The following VCAN variants were observed in gnomAD, a reference collection of about 807,000 sequenced individuals.
VCAN encodes versican core protein.
VCAN carries 44 observed loss-of-function variants against 245.5 expected under a neutral mutation model. That is an observed-to-expected ratio of 0.18 (90% CI 0.14 to 0.23). The LOEUF is 0.23. Among genes scored for constraint, VCAN ranks in the 10% least tolerant of loss-of-function variants. The pLI, the probability that VCAN is intolerant of heterozygous loss-of-function variation, is 1.00. For missense variants in VCAN, 3,793 were observed against 4,057.9 expected (o/e 0.93, Z 1.77); for synonymous variants, 1,413 against 1,437.0 (o/e 0.98, Z 0.38).
At chr5:83,522,557 C>A (rs1438856218) in intron 7 of VCAN, among the ~76,000 whole-genome samples, 1 of 152,142 alleles carries the variant, frequency 6.6e-6, no homozygotes, top group Non-Finnish European at 1.5e-5. Context: ...CTAATATAAC[C>A]AAATCATCAC....
intron 5 of VCAN, among the ~76,000 whole-genome samples, chr5:83,503,206 A>G (rs115288514): frequency 0.011 from 1,739 of 152,250 alleles, 42 homozygotes; most frequent in African/African-American, 0.039. Context: ...AGAAAAACAA[A>G]AAAACGATGG....
chr5:83,537,421 C>A lies in VCAN; in HGVS notation c.4418C>A (p.Thr1473Lys), dbSNP rs201669036. Residue 1473 changes from threonine to lysine, a missense_variant, in exon 8 of 15, where the codon ACA becomes AAA. Physicochemically the swap from Thr to Lys is moderately conservative, Grantham distance 78. Around this residue, in one of 5 missense-constraint regions of VCAN, gnomAD observed 3,182 missense variants for 3,250.3 expected, o/e 0.98. Coordinates refer to ENST00000265077, the MANE Select transcript of VCAN (RefSeq NM_004385.5). ...TAVQPNESTE[T>K]TESLEVTWKP... is the part of the protein sequence containing the mutation. ...GTGCAACCTAATGAATCTACAGAAA[C>A]AACTGAGTCTCTTGAAGTTACATGG... 6.2e-7 allele frequency: 1 copy of A among 1,613,794 alleles called. No homozygotes were observed. The highest frequency in any genetic ancestry group is 8.5e-7 in the Non-Finnish European group (1 of 1,179,934).
At chr5:83,528,918 T>C (rs888877518) in intron 7 of VCAN, among the ~76,000 whole-genome samples, 6 of 151,442 alleles carry the variant, frequency 4.0e-5, no homozygotes, top group Non-Finnish European at 8.8e-5. Flanking sequence ...TGGCTATTAT[T>C]ATATGGAATG....
At chr5:83,483,438 C>CA in intron 1 of VCAN, 75 bp from the exon 2 acceptor site, 1 of 1,221,870 alleles carries the variant, frequency 8.2e-7, no homozygotes, top group East Asian at 2.3e-5. Flanking sequence ...ATACAATGCA[C>CA]AAAAAGCATG....
chr5:83,539,348 A>G lies in VCAN; in HGVS notation c.6345A>G (p.Thr2115=). Residue 2115 remains threonine, a synonymous_variant, in exon 8 of 15, where the codon ACA becomes ACG. Transcript: ENST00000265077. ...GACAAGAAATTGAAAGTGAAACAAC[A>G]TCAGAGGAACAAATTCAAGAAGAAA... ...PVRQEIESET[T]SEEQIQEEKS... The G allele has an allele frequency of 6.2e-7, 1 of 1,614,156 alleles. No individual in the cohort carries two copies. Among genetic ancestry groups the G allele is most frequent in the Non-Finnish European group, 8.5e-7 (1 of 1,180,010 alleles).
chr5:83,570,274 AC>A, intron 12 of VCAN, among the ~76,000 whole-genome samples: 1 of 150,798 alleles, frequency 6.6e-6, no homozygotes. Flanking sequence ...CTGTATTTTG[AC>A]AAAAAAACAA....
intron 5 of VCAN, among the ~76,000 whole-genome samples, chr5:83,497,807 AGACT>A (rs1745206737): frequency 6.6e-6 from 1 of 152,230 alleles, no homozygotes; most frequent in Non-Finnish European, 1.5e-5. Flanking sequence ...CGAAATTAAT[AGACT>A]GACTATTTAT....
At position 83,541,026 on chromosome 5, in the gene VCAN, C is replaced by G; in HGVS notation, c.8023C>G (p.Pro2675Ala). The G allele has an allele frequency of 6.2e-7, 1 of 1,614,024 alleles. No individual in the cohort carries two copies. The highest frequency in any genetic ancestry group is 1.3e-5 in the African/African-American group (1 of 75,008). Residue 2675 changes from proline to alanine, a missense_variant, in exon 8 of 15, where the codon CCT becomes GCT. Transcript: ENST00000265077. ...HMGFHFTTGI[P>A]APSTETELDV... ...GGGCTTTCACTTCACAACTGGGATC[C>G]CTGCTCCTAGCACAGAAACAGAATT...
chr5:83,569,266 C>T (rs558817037), intron 12 of VCAN, among the ~76,000 whole-genome samples: 55 of 152,202 alleles, frequency 3.6e-4, no homozygotes, highest in African/African-American at 1.3e-3. Flanking sequence ...ACCTGTTTTC[C>T]AGAAAGGTTA....
chr5:83,560,371 A>G (rs926387931), intron 12 of VCAN, among the ~76,000 whole-genome samples: 1 of 152,114 alleles, frequency 6.6e-6, no homozygotes, highest in Admixed American at 6.6e-5. Flanking sequence ...TCCAAAATGG[A>G]GTGAAACAAA....
intron 3 of VCAN, 133 bp downstream of exon 3, chr5:83,490,605 C>A: frequency 7.5e-7 from 1 of 1,329,766 alleles, no homozygotes; most frequent in Non-Finnish European, 1.0e-6. Context: ...TCCAGTAGTC[C>A]ACGTCTTTCA....
At chr5:83,497,834 T>C (rs188855837) in intron 5 of VCAN, among the ~76,000 whole-genome samples, 1 of 152,336 alleles carries the variant, frequency 6.6e-6, no homozygotes, top group East Asian at 1.9e-4. Context: ...GGTTTCCTGA[T>C]GGTAGCAGAT....
chr5:83,546,510 C>G (rs1373757790), intron 9 of VCAN, among the ~76,000 whole-genome samples: 1 of 151,546 alleles, frequency 6.6e-6, no homozygotes, highest in East Asian at 1.9e-4. Context: ...AACCCCAGCA[C>G]TTTGGGAGGG....
At chr5:83,532,942 G>A (rs1432211550) in intron 7 of VCAN, among the ~76,000 whole-genome samples, 2 of 152,000 alleles carry the variant, frequency 1.3e-5, no homozygotes, top group Non-Finnish European at 2.9e-5. Context: ...CATTGTATTA[G>A]AGATTTTGTT....
chr5:83,580,380 T>C lies in VCAN; in HGVS notation c.10137T>C (p.Asn3379=). ...NSSSAKDNSI[N]TSKHDHRWSR... is the part of the protein sequence containing the mutation. ...CATCAGCAAAGGACAATTCAATAAA[T>C]ACATCCAAACATGATCATCGTTGGA... The change falls in exon 15 of 15, where the codon AAT becomes AAC. Residue 3379 remains asparagine (N), a synonymous_variant. Transcript: ENST00000265077. The C allele has an allele frequency of 6.2e-7, 1 of 1,613,992 alleles. No individual in the cohort carries two copies. Among genetic ancestry groups the C allele is most frequent in the Non-Finnish European group, 8.5e-7 (1 of 1,179,952 alleles).
chr5:83,537,102 C>T lies in VCAN; in HGVS notation c.4099C>T (p.Leu1367=), dbSNP rs1055333429. 8 of 1,613,686 alleles carry T rather than the reference C, an allele frequency of 5.0e-6. No individual in the cohort carries two copies. In the African/African-American group the frequency reaches 9.4e-5, roughly 19 times the overall value. ...TGAAGAAACAGATCCAGTGCATGAT[C>T]TAATGGCTGAAATTTTACCTGAATT... ...CSEETDPVHD[L]MAEILPEFPD... Residue 1367 remains leucine, a synonymous_variant, in exon 8 of 15, where the codon CTA becomes TTA. Coordinates refer to ENST00000265077, the MANE Select transcript of VCAN (RefSeq NM_004385.5).
intron 13 of VCAN, 69 bp from the exon 14 acceptor site, chr5:83,579,911 A>G: frequency 1.3e-6 from 2 of 1,521,820 alleles, no homozygotes; most frequent in South Asian, 2.3e-5. Flanking sequence ...GAAAGAGAGA[A>G]AAATAAGAGA....
chr5:83,562,691 G>C lies in VCAN; in HGVS notation c.9735+7653G>C, dbSNP rs1451830424. On this transcript the variant is annotated intron_variant, in intron 12 of 14. Coordinates refer to ENST00000265077, the MANE Select transcript of VCAN (RefSeq NM_004385.5). ...AAAAAAAATATATTGAATGAGCTTT[G>C]GCAGTCTCTCCTTACATTTGGATCG... 3.9e-5 allele frequency among the ~76,000 whole-genome samples: 6 copies of C among 151,954 alleles called. No homozygotes were observed. In the East Asian group the frequency reaches 9.7e-4, roughly 25 times the overall value.
chr5:83,539,983 T>C lies in VCAN; in HGVS notation c.6980T>C (p.Val2327Ala). 6.2e-7 allele frequency: 1 copy of C among 1,614,102 alleles called. No homozygotes were observed. The change falls in exon 8 of 15, where the codon GTA becomes GCA. Residue 2327 changes from valine (V) to alanine (A), a missense_variant. This residue lies in a region of VCAN where 3,182 missense variants were observed against 3,250.3 expected (regional missense o/e 0.98). Transcript: ENST00000265077. ...GACATCTTTGAAGGTAGTGGGTCAGTAACCAGCACAACATTAATAGAAATT... is the reference window on the plus strand; with the variant it reads ...GACATCTTTGAAGGTAGTGGGTCAGCAACCAGCACAACATTAATAGAAATT... ...QTDIFEGSGS[V>A]TSTTLIEILS...
Sources: gnomAD v4.1 joint callset for allele counts (sites outside exome capture counted in the v4.1 genomes callset) on GRCh38, gnomAD v4.1.1 for gene constraint, gnomAD v4.1.1 regional missense constraint, MANE v1.5 for transcripts, NCBI Gene and HGNC (gene_info 2026-07-23, HGNC 2026-07-21) for gene names.